The following NTN1 variants were observed in gnomAD, a reference collection of about 807,000 sequenced individuals.
NTN1 encodes the protein netrin-1.
NTN1 carries 11 observed loss-of-function variants against 54.2 expected under a neutral mutation model. The observed-to-expected ratio is 0.20, with a 90% confidence interval of 0.13 to 0.34. The LOEUF (loss-of-function observed/expected upper bound fraction) is 0.34. Ranked by LOEUF, NTN1 falls within the 10% of genes least tolerant of loss-of-function variation. NTN1 has a pLI of 1.00. For missense variants in NTN1, 740 were observed against 893.1 expected, an observed-to-expected ratio of 0.83 and a Z score of 2.18; for synonymous variants, 371 against 382.0, an observed-to-expected ratio of 0.97 and a Z score of 0.33.
chr17:9,136,855 T>G (rs2092282977), intron 2 of NTN1, among the ~76,000 whole-genome samples: 1 of 152,202 alleles, frequency 6.6e-6, no homozygotes, highest in African/African-American at 2.4e-5. Context: ...CGGAGCCTGT[T>G]CAGACCTTTC....
Position 9,230,844 on chromosome 17 carries a change from C to T in NTN1, c.1487-8796C>T, listed in dbSNP as rs78479010. On this transcript the variant is annotated intron_variant, in intron 6 of 6. Coordinates refer to ENST00000173229, the MANE Select transcript of NTN1 (RefSeq NM_004822.3). ...CTCTTGTCTCTCCCGATGCTGTTTTCCTCTCCTCTGAGCATCCTGTTTTTA... is the reference window on the plus strand; with the variant it reads ...CTCTTGTCTCTCCCGATGCTGTTTTTCTCTCCTCTGAGCATCCTGTTTTTA... 5.9e-4 allele frequency among the ~76,000 whole-genome samples: 90 copies of T among 152,286 alleles called. 1 individual carries two copies. The East Asian group carries it at 0.015, about 25-fold the overall frequency.
intron 2 of NTN1, among the ~76,000 whole-genome samples, chr17:9,121,516 C>T (rs950989301): frequency 3.3e-5 from 5 of 152,134 alleles, no homozygotes; most frequent in Admixed American, 6.6e-5. Flanking sequence ...TCTGTGCATA[C>T]GTAGGATTAT....
chr17:9,150,434 A>T (rs1257286920), intron 2 of NTN1, among the ~76,000 whole-genome samples: 1 of 152,202 alleles, frequency 6.6e-6, no homozygotes, highest in Non-Finnish European at 1.5e-5. Context: ...TGTGCATGGC[A>T]CATAGAGGGC....
rs939178042 is a variant in NTN1 at position 9,221,581 on chromosome 17, A to T, written c.1486+339A>T. ...CTGTGGTCTTCTGTGTCTGCATCAT[A>T]CTGCGGGGATTTGACCCGAGTCCAC... On this transcript the variant is annotated intron_variant, in intron 6 of 6. Transcript: ENST00000173229. The surrounding 1 kb of genome is among the most constrained non-coding windows in gnomAD (Gnocchi z 4.5). Among the ~76,000 whole-genome samples, 4 of 152,146 alleles carry T rather than the reference A, an allele frequency of 2.6e-5. No homozygotes were observed. Among genetic ancestry groups the T allele is most frequent in the Non-Finnish European group, 5.9e-5 (4 of 68,026 alleles).
At position 9,243,576 on chromosome 17, in the gene NTN1, T is replaced by G. The variant is rs1232912381; in HGVS notation, c.*3608T>G. On this transcript the variant is annotated 3_prime_UTR_variant, in exon 7 of 7. Transcript: ENST00000173229. The stretch of plus-strand genomic sequence containing the variant: ...GTGGACAAGACATTCCTGTGGGCCA[T>G]GGCACACCGGGGGGGATCAAAATGT... The G allele has an allele frequency of 6.6e-6, 1 of 152,192 alleles. No individual in the cohort carries two copies. The highest frequency in any genetic ancestry group is 1.5e-5 in the Non-Finnish European group (1 of 68,076). 9.4% of individuals were successfully genotyped at this position (152,192 alleles called of 1,614,324 possible).
At chr17:9,033,912 T>C (rs2091895241) in intron 2 of NTN1, among the ~76,000 whole-genome samples, 3 of 121,178 alleles carry the variant, frequency 2.5e-5, no homozygotes, top group East Asian at 2.3e-4. Flanking sequence ...AGCGAAACTC[T>C]GTCTCAAAAA....
At chr17:9,125,036 G>A (rs912655264) in intron 2 of NTN1, among the ~76,000 whole-genome samples, 1 of 152,114 alleles carries the variant, frequency 6.6e-6, no homozygotes, top group African/African-American at 2.4e-5. Flanking sequence ...CTTCTAGCAC[G>A]CGGGGAGCTC....
intron 2 of NTN1, among the ~76,000 whole-genome samples, chr17:9,102,330 G>GT (rs1555567966): frequency 1.9e-5 from 1 of 52,322 alleles, no homozygotes; most frequent in African/African-American, 5.6e-5. Context: ...GAGCAAACAT[G>GT]TCCTTCACAT....
At chr17:9,134,099 T>G (rs1408402999) in intron 2 of NTN1, among the ~76,000 whole-genome samples, 1 of 151,382 alleles carries the variant, frequency 6.6e-6, no homozygotes, top group Non-Finnish European at 1.5e-5. Context: ...AGAGACGAGG[T>G]TTCACCATGT....
At chr17:9,203,900 G>A (rs1904885526) in intron 5 of NTN1, among the ~76,000 whole-genome samples, 1 of 152,192 alleles carries the variant, frequency 6.6e-6, no homozygotes, top group African/African-American at 2.4e-5. Flanking sequence ...TAAAAACCAT[G>A]CCCTCTAAGT....
At chr17:9,073,612 T>C (rs1205962296) in intron 2 of NTN1, among the ~76,000 whole-genome samples, 1 of 152,200 alleles carries the variant, frequency 6.6e-6, no homozygotes, top group African/African-American at 2.4e-5. Context: ...TGCAGGAGTC[T>C]CCTGTATACT....
intron 2 of NTN1, among the ~76,000 whole-genome samples, chr17:9,079,633 G>T (rs1012401494): frequency 4.6e-5 from 7 of 152,102 alleles, no homozygotes; most frequent in Non-Finnish European, 1.0e-4. Context: ...TGGTTCCCCA[G>T]CAGGCCTGTT....
chr17:9,225,546 G>A (rs1394329133), intron 6 of NTN1, among the ~76,000 whole-genome samples: 1 of 152,218 alleles, frequency 6.6e-6, no homozygotes, highest in Non-Finnish European at 1.5e-5. Flanking sequence ...GGCGTCTGTG[G>A]AGAATCTCCC....
intron 2 of NTN1, among the ~76,000 whole-genome samples, chr17:9,126,149 A>C (rs888446421): frequency 2.0e-5 from 3 of 152,244 alleles, no homozygotes; most frequent in African/African-American, 7.2e-5. Flanking sequence ...TAATGAATTG[A>C]ATAGGATCAT....
chr17:9,101,280 A>G (rs2092149502), intron 2 of NTN1, among the ~76,000 whole-genome samples: 1 of 152,194 alleles, frequency 6.6e-6, no homozygotes, highest in African/African-American at 2.4e-5. Flanking sequence ...GGTGGACCAA[A>G]GCATCCAGTC....
chr17:9,195,093 C>T (rs923580205), intron 5 of NTN1, among the ~76,000 whole-genome samples: 1 of 152,098 alleles, frequency 6.6e-6, no homozygotes, highest in Admixed American at 6.5e-5. Flanking sequence ...GGCCTCTTCC[C>T]CACCCCCTCG....
intron 6 of NTN1, among the ~76,000 whole-genome samples, chr17:9,238,917 G>A (rs946576673): frequency 5.3e-5 from 8 of 152,172 alleles, no homozygotes; most frequent in Admixed American, 1.3e-4. Context: ...TTCACAAGCC[G>A]GCCAGGGGAT....
chr17:9,062,462 A>T (rs893981025), intron 2 of NTN1, among the ~76,000 whole-genome samples: 1 of 151,728 alleles, frequency 6.6e-6, no homozygotes, highest in Admixed American at 6.6e-5. Context: ...ATTTTTTGAG[A>T]CCTCCCATCC....
chr17:9,059,437 T>G (rs2091989264), intron 2 of NTN1, among the ~76,000 whole-genome samples: 1 of 152,180 alleles, frequency 6.6e-6, no homozygotes. Flanking sequence ...AACAAATGAA[T>G]GGATAAACAA....
Sources: gnomAD v4.1 joint callset for allele counts (sites outside exome capture counted in the v4.1 genomes callset) on GRCh38, gnomAD v4.1.1 for gene constraint, Gnocchi (gnomAD v3.1) non-coding constraint, MANE v1.5 for transcripts, NCBI Gene and HGNC (gene_info 2026-07-23, HGNC 2026-07-21) for gene names.